PPARGC1B: variants seen among roughly 807,000 people sequenced by gnomAD.
PPARGC1B encodes the protein peroxisome proliferator-activated receptor gamma coactivator 1-beta.
A neutral mutation model predicts 101.6 loss-of-function variants in PPARGC1B; 34 were observed. The observed-to-expected ratio is 0.33, with a 90% confidence interval of 0.25 to 0.45. The LOEUF is 0.45. Among genes scored for constraint, PPARGC1B ranks in the 20% least tolerant of loss-of-function variants. The pLI, the probability that PPARGC1B is intolerant of heterozygous loss-of-function variation, is 1.00. For missense variants in PPARGC1B, 1,234 were observed against 1,317.6 expected (o/e 0.94, Z 0.98); for synonymous variants, 548 against 539.3 (o/e 1.02, Z -0.22).
At chr5:149,739,466 C>T (rs1754836418) in intron 1 of PPARGC1B, among the ~76,000 whole-genome samples, 1 of 152,216 alleles carries the variant, frequency 6.6e-6, no homozygotes, top group African/African-American at 2.4e-5. Context: ...AGCTCCCTCT[C>T]CTTCCAGGCT....
At chr5:149,821,866 A>G (rs915136137) in intron 2 of PPARGC1B, among the ~76,000 whole-genome samples, 1 of 152,204 alleles carries the variant, frequency 6.6e-6, no homozygotes, top group Non-Finnish European at 1.5e-5. Flanking sequence ...AAGAGAAGCT[A>G]TCAGTTGTGT....
chr5:149,797,383 G>A (rs978414300), intron 1 of PPARGC1B, among the ~76,000 whole-genome samples: 5 of 152,120 alleles, frequency 3.3e-5, no homozygotes, highest in Non-Finnish European at 7.4e-5. Flanking sequence ...AAGTATTAGT[G>A]GTAACGGTGA....
intron 1 of PPARGC1B, among the ~76,000 whole-genome samples, chr5:149,755,028 A>G (rs1185051418): frequency 7.6e-6 from 1 of 131,070 alleles, no homozygotes; most frequent in East Asian, 2.1e-4. Flanking sequence ...CCACACATAT[A>G]CACTACATAT....
intron 1 of PPARGC1B, among the ~76,000 whole-genome samples, chr5:149,786,399 T>A (rs755689843): frequency 9.9e-5 from 15 of 152,148 alleles, no homozygotes; most frequent in Middle Eastern, 3.4e-3. Flanking sequence ...CCCAGCCAGA[T>A]TTTTGTATTT....
intron 1 of PPARGC1B, among the ~76,000 whole-genome samples, chr5:149,745,388 T>A (rs1429345757): frequency 1.3e-5 from 2 of 152,184 alleles, no homozygotes; most frequent in African/African-American, 4.8e-5. Flanking sequence ...TAATTACACA[T>A]CTGGGGCTGT....
chr5:149,815,549 T>G (rs933083015), intron 1 of PPARGC1B, among the ~76,000 whole-genome samples: 1 of 152,174 alleles, frequency 6.6e-6, no homozygotes, highest in Non-Finnish European at 1.5e-5. Context: ...ATTTATTTAT[T>G]TATTTACTTA....
At position 149,789,264 on chromosome 5, in the gene PPARGC1B, A is replaced by G. The variant is rs180987099; in HGVS notation, c.79-31169A>G. Among the ~76,000 whole-genome samples, 191 of 152,310 alleles carry G rather than the reference A, an allele frequency of 1.3e-3. 1 individual carries two copies. Among genetic ancestry groups the G allele is most frequent in the Middle Eastern group, 6.8e-3 (2 of 294 alleles). ...GCTCTCTTACTTTAGACATGAATCAACTGAACAAATGAGGGCAACCTTAGG... is the reference window on the plus strand; with the variant it reads ...GCTCTCTTACTTTAGACATGAATCAGCTGAACAAATGAGGGCAACCTTAGG... On this transcript the variant is annotated intron_variant, in intron 1 of 11. Coordinates refer to ENST00000309241, the MANE Select transcript of PPARGC1B (RefSeq NM_133263.4).
At position 149,826,896 on chromosome 5, in the gene PPARGC1B, A is replaced by G. The variant is rs201100165; in HGVS notation, c.465+11A>G. ...GACGAGCTCTCACTGGTAAGAACCT[A>G]CTTACAGCAGAAGTGATGGTTGCAG... On this transcript the variant is annotated intron_variant, in intron 3 of 11. Transcript: ENST00000309241. 17 of 1,591,444 alleles carry G rather than the reference A, an allele frequency of 1.1e-5. No individual in the cohort carries two copies. In the East Asian group the frequency reaches 1.8e-4, roughly 17 times the overall value.
At chr5:149,815,965 G>A (rs1758037318) in intron 1 of PPARGC1B, among the ~76,000 whole-genome samples, 1 of 152,190 alleles carries the variant, frequency 6.6e-6, no homozygotes. Flanking sequence ...TTGGCATCCA[G>A]TAAGGGCTCC....
intron 1 of PPARGC1B, among the ~76,000 whole-genome samples, chr5:149,809,121 A>G (rs1328452678): frequency 7.8e-6 from 1 of 128,632 alleles, no homozygotes; most frequent in Non-Finnish European, 1.6e-5. Flanking sequence ...CACCTTAGAT[A>G]GATAGATAGA....
intron 1 of PPARGC1B, among the ~76,000 whole-genome samples, chr5:149,732,414 C>T (rs1269402087): frequency 6.6e-6 from 1 of 152,314 alleles, no homozygotes; most frequent in South Asian, 2.1e-4. Flanking sequence ...TTGGACTGTA[C>T]CCCGGATTTT....
At chr5:149,732,045 GGT>G (rs3042304) in intron 1 of PPARGC1B, among the ~76,000 whole-genome samples, 6,485 of 149,026 alleles carry the variant, frequency 0.044, 325 homozygotes, top group African/African-American at 0.13. Context: ...TGCGCGCGCG[GGT>G]GTGTGTGTGT....
In PPARGC1B at chr5:149,840,350, C is replaced by G. The variant is rs73796290; in HGVS notation, c.2694+234C>G. 6.7e-3 allele frequency among the ~76,000 whole-genome samples: 1,021 copies of G among 152,318 alleles called. 14 individuals are homozygous for G. Among genetic ancestry groups the G allele is most frequent in the African/African-American group, 0.023 (966 of 41,560 alleles). On this transcript the variant is annotated intron_variant, in intron 9 of 11. Transcript: ENST00000309241. ...CACCATGCAAAGTTCAACCAAGAGA[C>G]TGGCCATGAGTGTGCTGTTGGTGGT...
intron 1 of PPARGC1B, among the ~76,000 whole-genome samples, chr5:149,769,662 C>T (rs1216177664): frequency 1.3e-5 from 2 of 152,128 alleles, no homozygotes; most frequent in Admixed American, 1.3e-4. Context: ...CAGATCTTGC[C>T]GTTTCAGAGG....
intron 1 of PPARGC1B, among the ~76,000 whole-genome samples, chr5:149,819,381 A>T (rs570458510): frequency 6.6e-6 from 1 of 152,298 alleles, no homozygotes; most frequent in South Asian, 2.1e-4. Context: ...ACATGCTGGT[A>T]TTCTACAACT....
chr5:149,772,153 C>T, intron 1 of PPARGC1B: 1 of 1,607,336 alleles, frequency 6.2e-7, no homozygotes, highest in Non-Finnish European at 8.5e-7. Context: ...GGTGTTGGGC[C>T]AGAGGTTGTT....
At position 149,841,010 on chromosome 5, in the gene PPARGC1B, G is replaced by A. The variant is rs530635401; in HGVS notation, c.2694+894G>A. ...TTACAGGCCTAGCACAGTTCTGGGC[G>A]TTGGAGGACAGCAATGAACAAGAGG... On this transcript the variant is annotated intron_variant, in intron 9 of 11. Transcript: ENST00000309241. Among the ~76,000 whole-genome samples the A allele has an allele frequency of 5.9e-5, 9 of 152,308 alleles. No individual in the cohort carries two copies. The East Asian group carries it at 1.4e-3, about 23-fold the overall frequency.
intron 1 of PPARGC1B, among the ~76,000 whole-genome samples, chr5:149,809,687 T>TAA (rs35168335): frequency 1.6e-4 from 18 of 109,208 alleles, no homozygotes; most frequent in East Asian, 7.8e-4. Flanking sequence ...GATCCTTTCT[T>TAA]AAAAAAAAAA....
At chr5:149,817,793 A>G (rs1486643975) in intron 1 of PPARGC1B, 2 of 456,766 alleles carry the variant, frequency 4.4e-6, no homozygotes, top group Admixed American at 2.3e-5. Flanking sequence ...GTGTTCTCTC[A>G]TTGTGGAAAA....
Sources: allele counts gnomAD v4.1 joint callset (sites outside exome capture counted in the v4.1 genomes callset), GRCh38; gene constraint gnomAD v4.1.1; transcripts MANE v1.5; gene names NCBI Gene and HGNC (gene_info 2026-07-23, HGNC 2026-07-21).